Variants in MYO9A observed in about 807,000 individuals in gnomAD.
MYO9A encodes the protein unconventional myosin-IXa.
A neutral mutation model predicts 293.3 loss-of-function variants in MYO9A; 103 were observed. That is an observed-to-expected ratio of 0.35 (90% CI 0.30 to 0.41). The LOEUF (loss-of-function observed/expected upper bound fraction) is 0.41. Among genes scored for constraint, MYO9A ranks in the 10% least tolerant of loss-of-function variants. MYO9A has a pLI of 1.00. For missense variants in MYO9A, 2,685 were observed against 3,033.0 expected (o/e 0.89, Z 2.69); for synonymous variants, 1,001 against 1,035.7 (o/e 0.97, Z 0.64).
chr15:72,008,042 C>A, intron 7 of MYO9A, 90 bp from the exon 8 acceptor site: 1 of 1,435,278 alleles, frequency 7.0e-7, no homozygotes. Flanking sequence ...AATTAACCTA[C>A]AAATATGAAG....
In MYO9A at chr15:71,897,654, C is replaced by T; in HGVS notation, c.4849G>A (p.Val1617Ile). 2 of 1,614,100 alleles carry T rather than the reference C, an allele frequency of 1.2e-6. No individual in the cohort carries two copies. Among genetic ancestry groups the T allele is most frequent in the Non-Finnish European group, 1.7e-6 (2 of 1,180,026 alleles). The change falls in exon 25 of 42, where the codon GTC becomes ATC. Residue 1617 changes from valine (V) to isoleucine (I), a missense_variant. Val to Ile is a conservative substitution (Grantham distance 29). This residue lies in a region of MYO9A where 1,434 missense variants were observed against 1,497.7 expected (regional missense o/e 0.96). Transcript: ENST00000356056. ...RKGSPCQSST[V>I]KELSKTDRMG... ...CTGTCTGTCTTGGATAATTCCTTGACAGTACTAGATTGGCATGGACTTCCT... is the reference window on the plus strand; with the variant it reads ...CTGTCTGTCTTGGATAATTCCTTGATAGTACTAGATTGGCATGGACTTCCT...
intron 4 of MYO9A, among the ~76,000 whole-genome samples, chr15:72,024,453 G>A (rs2077601677): frequency 6.6e-6 from 1 of 152,054 alleles, no homozygotes; most frequent in African/African-American, 2.4e-5. Context: ...GCTAATTTTT[G>A]TAGAGATAAG....
At chr15:72,045,688 A>T in intron 2 of MYO9A, 36 bp downstream of exon 2, 1 of 1,529,832 alleles carries the variant, frequency 6.5e-7, no homozygotes, top group African/African-American at 1.4e-5. Flanking sequence ...ATAAAAATCA[A>T]AATTAAAATC....
Position 71,897,788 on chromosome 15 carries a change from T to C in MYO9A, c.4715A>G (p.Asn1572Ser), listed in dbSNP as rs1272332795. The change falls in exon 25 of 42, where the codon AAT becomes AGT. Residue 1572 changes from asparagine to serine, a missense_variant. Asn to Ser is a conservative substitution (Grantham distance 46). Around this residue, in one of 10 missense-constraint regions of MYO9A, gnomAD observed 1,434 missense variants for 1,497.7 expected, o/e 0.96. Coordinates refer to ENST00000356056, the MANE Select transcript of MYO9A (RefSeq NM_006901.4). ...SLNTSNKGEL[N>S]VLGSLSLKDA... ...TTTTAATGATAGGGACCCCAGTACA[T>C]TAAGTTCTCCCTTATTTGAGGTATT... 1.2e-6 allele frequency: 2 copies of C among 1,613,954 alleles called. No individual in the cohort carries two copies. The highest frequency in any genetic ancestry group is 4.5e-5 in the East Asian group (2 of 44,882).
chr15:71,831,745 G>A (rs1162260800), intron 39 of MYO9A, among the ~76,000 whole-genome samples: 2 of 152,036 alleles, frequency 1.3e-5, no homozygotes, highest in East Asian at 1.9e-4. Context: ...CAAATACTCT[G>A]ACAAATAATC....
chr15:71,907,080 C>T (rs1433046407), intron 19 of MYO9A, among the ~76,000 whole-genome samples: 7 of 148,532 alleles, frequency 4.7e-5, no homozygotes, highest in Non-Finnish European at 8.9e-5. Context: ...TCTCCCAATG[C>T]TATCCCTCCC....
rs573748136 is a variant in MYO9A at position 71,997,832 on chromosome 15, T to G, written c.1470+2019A>C. ...AAGTCAGAAAAACGACAGATGCTGG[T>G]GAGGTTGTGGATAAAAAGAAACATT... On this transcript the variant is annotated intron_variant, in intron 9 of 41. Transcript: ENST00000356056. 4.0e-4 allele frequency among the ~76,000 whole-genome samples: 61 copies of G among 152,100 alleles called. 1 individual carries two copies. Among genetic ancestry groups the G allele is most frequent in the South Asian group, 1.2e-3 (6 of 4,816 alleles).
chr15:71,907,347 T>G (rs2144127018), intron 19 of MYO9A, among the ~76,000 whole-genome samples: 1 of 145,282 alleles, frequency 6.9e-6, no homozygotes, highest in South Asian at 2.4e-4. Context: ...CTATCATTGT[T>G]GGACATTTGG....
chr15:71,860,515 T>C (rs1204591612), intron 33 of MYO9A, among the ~76,000 whole-genome samples: 1 of 152,214 alleles, frequency 6.6e-6, no homozygotes, highest in African/African-American at 2.4e-5. Flanking sequence ...TTACACTAGC[T>C]CTGGCTTCTG....
At chr15:71,905,213 G>C (rs1413272169) in intron 19 of MYO9A, among the ~76,000 whole-genome samples, 1 of 152,110 alleles carries the variant, frequency 6.6e-6, no homozygotes, top group African/African-American at 2.4e-5. Flanking sequence ...TATTAAAGCA[G>C]ATAGCCTGGA....
At chr15:72,082,518 T>G (rs559760985) in intron 1 of MYO9A, among the ~76,000 whole-genome samples, 55 of 152,246 alleles carry the variant, frequency 3.6e-4, no homozygotes, top group African/African-American at 1.3e-3. Context: ...TCTCTTCCTA[T>G]TTAAATGCCC....
chr15:71,969,605 C>T (rs1428436957), intron 12 of MYO9A, among the ~76,000 whole-genome samples: 1 of 152,168 alleles, frequency 6.6e-6, no homozygotes, highest in East Asian at 1.9e-4. Flanking sequence ...ATGCTCACTT[C>T]GTCGTCTCTA....
chr15:71,827,942 A>C lies in MYO9A; in HGVS notation c.7125T>G (p.Thr2375=), dbSNP rs2140470126. ...TATTCAAATTCTCTGAGCTATCAGC[A>C]GTCCCAATGGAGGCCTCAGACTCAA... ...ETLESEASIG[T]ADSSENLNME... The change falls in exon 41 of 42, where the codon ACT becomes ACG. Residue 2375 remains threonine, a synonymous_variant. Coordinates refer to ENST00000356056, the MANE Select transcript of MYO9A (RefSeq NM_006901.4). 1.9e-6 allele frequency: 3 copies of C among 1,613,922 alleles called. No individual in the cohort carries two copies. The highest frequency in any genetic ancestry group is 2.7e-5 in the African/African-American group (2 of 75,030).
intron 28 of MYO9A, among the ~76,000 whole-genome samples, chr15:71,881,503 C>T (rs2056871967): frequency 6.6e-6 from 1 of 152,084 alleles, no homozygotes; most frequent in Non-Finnish European, 1.5e-5. Context: ...TATAAAGATA[C>T]AGGATACAAT....
intron 1 of MYO9A, among the ~76,000 whole-genome samples, chr15:72,047,678 G>A (rs144737064): frequency 3.3e-5 from 5 of 149,986 alleles, no homozygotes; most frequent in African/African-American, 9.8e-5. Flanking sequence ...CTACTCTCAT[G>A]TGTCATCAAT....
At chr15:71,929,647 T>C (rs749017906) in intron 18 of MYO9A, among the ~76,000 whole-genome samples, 1 of 152,234 alleles carries the variant, frequency 6.6e-6, no homozygotes, top group Non-Finnish European at 1.5e-5. Context: ...CAACTGATCA[T>C]GGTAAATGAT....
rs184363582 is a variant in MYO9A, at chr15:72,002,138, T to C, written c.1381-2198A>G. Among the ~76,000 whole-genome samples, 41 of 152,212 alleles carry C rather than the reference T, an allele frequency of 2.7e-4. No homozygotes were observed. In the East Asian group the frequency reaches 6.9e-3, roughly 26 times the overall value. The stretch of plus-strand genomic sequence containing the variant: ...CTGAACTCACAAGTACTCAGGAGGC[T>C]GAGGCGGGAAGATTGTTTGAGCCCA... On this transcript the variant is annotated intron_variant, in intron 8 of 41. Transcript: ENST00000356056.
At chr15:72,008,013 C>A in intron 7 of MYO9A, 61 bp from the exon 8 acceptor site, 1 of 1,536,658 alleles carries the variant, frequency 6.5e-7, no homozygotes, top group Non-Finnish European at 8.7e-7. Context: ...TCATTTCATT[C>A]TAAAATTCTA....
intron 27 of MYO9A, among the ~76,000 whole-genome samples, chr15:71,886,700 A>G (rs950753435): frequency 3.3e-5 from 5 of 152,058 alleles, no homozygotes; most frequent in Admixed American, 6.6e-5. Context: ...TGGATTCCAC[A>G]GTTTTATTGC....
Sources: gnomAD v4.1 joint callset for allele counts (sites outside exome capture counted in the v4.1 genomes callset) on GRCh38, gnomAD v4.1.1 for gene constraint, gnomAD v4.1.1 regional missense constraint, MANE v1.5 for transcripts, NCBI Gene and HGNC (gene_info 2026-07-23, HGNC 2026-07-21) for gene names.